Variants in PALM2AKAP2 observed in about 807,000 individuals in gnomAD.
PALM2AKAP2 encodes PALM2-AKAP2 fusion protein.
Under a neutral mutation model 71.5 loss-of-function variants are expected in PALM2AKAP2, and 37 were observed. The ratio of observed to expected loss-of-function variants is 0.52; its 90% CI spans 0.40 to 0.68. The LOEUF (loss-of-function observed/expected upper bound fraction) is 0.68, where lower values mean the gene tolerates loss of function less well. PALM2AKAP2 is among the 30% of genes least tolerant of loss of function. PALM2AKAP2 has a pLI of 0.00. For missense variants in PALM2AKAP2, 1,224 were observed against 1,191.8 expected (o/e 1.03, Z -0.40); for synonymous variants, 468 against 478.8 (o/e 0.98, Z 0.29).
chr9:109,717,919 G>C (rs1034800995), intron 1 of PALM2AKAP2, among the ~76,000 whole-genome samples: 11 of 152,184 alleles, frequency 7.2e-5, no homozygotes, highest in African/African-American at 2.2e-4. Context: ...GAAAGTAAGA[G>C]AGATAAAAGG....
At chr9:109,941,765 G>C (rs1831376124) in intron 6 of PALM2AKAP2, among the ~76,000 whole-genome samples, 1 of 152,188 alleles carries the variant, frequency 6.6e-6, no homozygotes, top group Non-Finnish European at 1.5e-5. Context: ...CAGACTGGCA[G>C]CAAGAGTTGG....
At chr9:109,806,836 C>T (rs1236520068) in intron 1 of PALM2AKAP2, among the ~76,000 whole-genome samples, 1 of 152,086 alleles carries the variant, frequency 6.6e-6, no homozygotes, top group Non-Finnish European at 1.5e-5. Flanking sequence ...ATCTATATAC[C>T]GTGGTAAGGA....
chr9:109,868,104 T>C (rs951962998), intron 2 of PALM2AKAP2, among the ~76,000 whole-genome samples: 2 of 152,190 alleles, frequency 1.3e-5, no homozygotes, highest in Non-Finnish European at 2.9e-5. Context: ...ATTTTGAAAG[T>C]GTTCTGTGAG....
intron 6 of PALM2AKAP2, among the ~76,000 whole-genome samples, chr9:109,939,834 T>C (rs1262324277): frequency 1.3e-5 from 2 of 152,346 alleles, no homozygotes; most frequent in East Asian, 3.9e-4. Context: ...ATTGTGTCAC[T>C]TGAAGAAACT....
intron 1 of PALM2AKAP2, among the ~76,000 whole-genome samples, chr9:110,086,782 T>C (rs1437359733): frequency 2.6e-5 from 4 of 152,200 alleles, no homozygotes; most frequent in Non-Finnish European, 5.9e-5. Flanking sequence ...TTCCAGTTTC[T>C]TTGCCCCCAG....
At position 109,667,496 on chromosome 9, in the gene PALM2AKAP2, C is replaced by T. The variant is rs190428797; in HGVS notation, c.5+26630C>T. On this transcript the variant is annotated intron_variant, in intron 1 of 6. Transcript: ENST00000374531. ...AAACAAACAAGCAAGACCTTTTAAA[C>T]GAATGTAACCCAGCTGGGCGTGGTG... Among the ~76,000 whole-genome samples, 102 of 152,270 alleles carry T rather than the reference C, an allele frequency of 6.7e-4. 1 individual carries two copies. Among genetic ancestry groups the T allele is most frequent in the African/African-American group, 2.3e-3 (97 of 41,570 alleles).
intron 3 of PALM2AKAP2, among the ~76,000 whole-genome samples, chr9:109,885,465 G>A (rs1829944164): frequency 1.3e-5 from 2 of 152,188 alleles, no homozygotes. Flanking sequence ...TTAAAAGGGT[G>A]TTCCAGATAA....
chr9:109,697,678 T>G (rs1827992525), intron 1 of PALM2AKAP2, among the ~76,000 whole-genome samples: 1 of 152,190 alleles, frequency 6.6e-6, no homozygotes, highest in Non-Finnish European at 1.5e-5. Flanking sequence ...AATGAAAAAG[T>G]ATGTTTTTGA....
At chr9:109,895,031 AG>A (rs1180088884) in intron 3 of PALM2AKAP2, among the ~76,000 whole-genome samples, 1 of 152,202 alleles carries the variant, frequency 6.6e-6, no homozygotes, top group African/African-American at 2.4e-5. Context: ...CCCATCATAG[AG>A]GTGAAGAACC....
chr9:109,708,935 G>A lies in PALM2AKAP2; in HGVS notation c.5+68069G>A, dbSNP rs377248887. Among the ~76,000 whole-genome samples, 3 of 152,164 alleles carry A rather than the reference G, an allele frequency of 2.0e-5. No individual in the cohort carries two copies. The South Asian group carries it at 6.2e-4, about 31-fold the overall frequency. The stretch of plus-strand genomic sequence containing the variant: ...TGTGAACGTCAGGAAGGCTGTGCAG[G>A]AGAATTCAGAGGACTGGGCCACAAC... On this transcript the variant is annotated intron_variant, in intron 1 of 6. Transcript: ENST00000374531.
At chr9:110,158,021 C>T (rs1836501151) in intron 3 of PALM2AKAP2, among the ~76,000 whole-genome samples, 1 of 152,194 alleles carries the variant, frequency 6.6e-6, no homozygotes, top group African/African-American at 2.4e-5. Flanking sequence ...TGCAGCTATT[C>T]TACTGGGCTC....
At chr9:109,917,484 C>CTTTTTTTTT (rs59106508) in intron 3 of PALM2AKAP2, among the ~76,000 whole-genome samples, 2 of 111,438 alleles carry the variant, frequency 1.8e-5, no homozygotes, top group African/African-American at 3.5e-5. Context: ...CGCTCCTTTC[C>CTTTTTTTTT]TTTTTTTTTT....
intron 1 of PALM2AKAP2, among the ~76,000 whole-genome samples, chr9:109,662,698 G>A (rs1356219805): frequency 2.6e-5 from 4 of 152,138 alleles, no homozygotes; most frequent in Non-Finnish European, 5.9e-5. Context: ...GAGTTAGGGA[G>A]GAGTCCCTCT....
intron 1 of PALM2AKAP2, among the ~76,000 whole-genome samples, chr9:109,842,469 G>T (rs893821206): frequency 6.6e-6 from 1 of 152,112 alleles, no homozygotes; most frequent in Admixed American, 6.5e-5. Flanking sequence ...AGGCGGGTAC[G>T]CAGAATACAT....
intron 2 of PALM2AKAP2, among the ~76,000 whole-genome samples, chr9:109,877,215 A>T (rs142583854): frequency 5.3e-5 from 8 of 152,152 alleles, no homozygotes; most frequent in Admixed American, 4.6e-4. Flanking sequence ...TCTTTAGCAC[A>T]GGAAGCACCC....
chr9:109,786,964 A>T (rs546203587), intron 1 of PALM2AKAP2, among the ~76,000 whole-genome samples: 1 of 152,264 alleles, frequency 6.6e-6, no homozygotes, highest in African/African-American at 2.4e-5. Flanking sequence ...TCCACATTTC[A>T]CCACTGATCC....
At chr9:109,943,004 A>T in intron 6 of PALM2AKAP2, 1 of 1,614,208 alleles carries the variant, frequency 6.2e-7, no homozygotes, top group Non-Finnish European at 8.5e-7. Flanking sequence ...CTCTGCAAAG[A>T]AGCTAAGTTA....
At chr9:109,684,145 G>A (rs968160389) in intron 1 of PALM2AKAP2, among the ~76,000 whole-genome samples, 1 of 152,130 alleles carries the variant, frequency 6.6e-6, no homozygotes, top group African/African-American at 2.4e-5. Flanking sequence ...TGCTTGTGGT[G>A]TGGCAAACTC....
chr9:110,042,817 T>C (rs1833531277), intron 7 of PALM2AKAP2, among the ~76,000 whole-genome samples: 2 of 152,200 alleles, frequency 1.3e-5, no homozygotes, highest in African/African-American at 4.8e-5. Flanking sequence ...TGTGGGTACA[T>C]AGTAGGTGGC....
Sources: allele counts gnomAD v4.1 joint callset (sites outside exome capture counted in the v4.1 genomes callset), GRCh38; gene constraint gnomAD v4.1.1; transcripts MANE v1.5; gene names NCBI Gene and HGNC (gene_info 2026-07-23, HGNC 2026-07-21).